Variants in PDGFD observed in about 807,000 individuals in gnomAD.
PDGFD encodes platelet-derived growth factor D.
Under a neutral mutation model 44.7 loss-of-function variants are expected in PDGFD, and 30 were observed. The ratio of observed to expected loss-of-function variants is 0.67; its 90% CI spans 0.50 to 0.91. The LOEUF (loss-of-function observed/expected upper bound fraction) is 0.91. Ranked by LOEUF, PDGFD falls within the 40% of genes least tolerant of loss-of-function variation. The pLI is 0.00. For missense variants in PDGFD, 445 were observed against 457.8 expected, an observed-to-expected ratio of 0.97 and a Z score of 0.25; for synonymous variants, 173 against 168.4, an observed-to-expected ratio of 1.03 and a Z score of -0.21.
chr11:104,087,021 C>CTTTTTTTTTT (rs528848924), intron 1 of PDGFD, among the ~76,000 whole-genome samples: 5 of 103,206 alleles, frequency 4.8e-5, no homozygotes, highest in Non-Finnish European at 9.3e-5. Context: ...GGCTCTTAGT[C>CTTTTTTTTTT]TTTTTTTTTT....
At chr11:104,107,719 G>C (rs529706798) in intron 1 of PDGFD, among the ~76,000 whole-genome samples, 1 of 152,130 alleles carries the variant, frequency 6.6e-6, no homozygotes, top group Non-Finnish European at 1.5e-5. Flanking sequence ...AAGACTTAGA[G>C]CTGTGTGACT....
At chr11:104,026,761 G>C (rs543781594) in intron 1 of PDGFD, among the ~76,000 whole-genome samples, 2 of 152,276 alleles carry the variant, frequency 1.3e-5, no homozygotes, top group Admixed American at 6.5e-5. Flanking sequence ...TCTGTAATTT[G>C]TTTTGGGGAT....
chr11:104,040,712 T>C (rs1283069284), intron 1 of PDGFD, among the ~76,000 whole-genome samples: 1 of 122,876 alleles, frequency 8.1e-6, no homozygotes, highest in Non-Finnish European at 1.9e-5. Context: ...AGTTCAGTGA[T>C]TTTAAATTTT....
At chr11:104,091,928 A>G (rs750680856) in intron 1 of PDGFD, among the ~76,000 whole-genome samples, 17 of 152,202 alleles carry the variant, frequency 1.1e-4, no homozygotes, top group Non-Finnish European at 2.1e-4. Flanking sequence ...AGAAGCTGAC[A>G]TTATATAAAC....
rs1460720600 is a variant in PDGFD at position 104,045,729 on chromosome 11, G to C, written c.125-45474C>G. 2.1e-5 allele frequency among the ~76,000 whole-genome samples: 3 copies of C among 143,888 alleles called. 1 individual carries two copies. Among genetic ancestry groups the C allele is most frequent in the Non-Finnish European group, 4.6e-5 (3 of 64,598 alleles). The allele number at this position is 143,888 out of a possible 152,430, so 94.4% of individuals were successfully genotyped here. ...AAACTTCAGAAGAAACACAAATAAT[G>C]ATGTTAGTTTCACATTTATTTCAAG... is the stretch of plus-strand genomic sequence containing the variant. On this transcript the variant is annotated intron_variant, in intron 1 of 6. Coordinates refer to ENST00000393158, the MANE Select transcript of PDGFD (RefSeq NM_025208.5).
At chr11:103,932,899 A>G (rs1858427537) in intron 5 of PDGFD, among the ~76,000 whole-genome samples, 1 of 152,168 alleles carries the variant, frequency 6.6e-6, no homozygotes, top group African/African-American at 2.4e-5. Flanking sequence ...CTAGTCTAGG[A>G]TGTGGTGTAG....
intron 1 of PDGFD, among the ~76,000 whole-genome samples, chr11:104,154,743 A>C (rs1233164554): frequency 1.3e-5 from 2 of 152,200 alleles, no homozygotes; most frequent in African/African-American, 2.4e-5. Context: ...GAATTGTGCA[A>C]AAAAGAGGTA....
intron 1 of PDGFD, among the ~76,000 whole-genome samples, chr11:104,094,314 T>C (rs556905493): frequency 6.6e-6 from 1 of 152,050 alleles, no homozygotes; most frequent in Non-Finnish European, 1.5e-5. Flanking sequence ...TGGAATTCCT[T>C]GGGGACCAAT....
At position 103,926,941 on chromosome 11, in the gene PDGFD, A is replaced by T. The variant is rs1858324136; in HGVS notation, c.958T>A (p.Ser320Thr). ...TVNWRSCTCN[S>T]GKTVKKYHEV... is the part of the protein sequence containing the mutation. ...TGATACTTTTTCACGGTTTTCCCTGAATTGCATGTGCAGGACCTCCAGTTG... is the reference window on the plus strand; with the variant it reads ...TGATACTTTTTCACGGTTTTCCCTGTATTGCATGTGCAGGACCTCCAGTTG... Residue 320 changes from serine (S) to threonine (T), a missense_variant, in exon 6 of 7, where the codon TCA becomes ACA. Coordinates refer to ENST00000393158, the MANE Select transcript of PDGFD (RefSeq NM_025208.5). 8 of 1,614,132 alleles carry T rather than the reference A, an allele frequency of 5.0e-6. No individual in the cohort carries two copies. Among genetic ancestry groups the T allele is most frequent in the Middle Eastern group, 1.6e-4 (1 of 6,062 alleles).
chr11:104,113,538 T>C (rs1030951078), intron 1 of PDGFD, among the ~76,000 whole-genome samples: 2 of 151,864 alleles, frequency 1.3e-5, no homozygotes, highest in African/African-American at 4.8e-5. Context: ...CTTGGTTGCT[T>C]CCAAGTTTTG....
At chr11:103,967,929 T>C (rs1170002637) in intron 3 of PDGFD, among the ~76,000 whole-genome samples, 1 of 152,222 alleles carries the variant, frequency 6.6e-6, no homozygotes, top group Non-Finnish European at 1.5e-5. Context: ...TGTTGCTTAC[T>C]GCAATTTTGA....
At chr11:104,036,737 C>A in intron 1 of PDGFD, 1 of 1,026,832 alleles carries the variant, frequency 9.7e-7, no homozygotes, top group Non-Finnish European at 1.5e-6. Flanking sequence ...TCCTGAGGAG[C>A]AGCGGCACCA....
intron 6 of PDGFD, among the ~76,000 whole-genome samples, chr11:103,919,857 A>T (rs1858185486): frequency 1.1e-5 from 1 of 92,698 alleles, no homozygotes; most frequent in Non-Finnish European, 2.0e-5. Context: ...CAGTTTCTCA[A>T]GGAAAAAAAA....
At chr11:104,042,310 C>T (rs1216544393) in intron 1 of PDGFD, among the ~76,000 whole-genome samples, 1 of 152,180 alleles carries the variant, frequency 6.6e-6, no homozygotes, top group African/African-American at 2.4e-5. Flanking sequence ...TGAATCCCAG[C>T]TTCTTTCCAC....
Position 104,147,063 on chromosome 11 carries a change from C to A in PDGFD, c.124+16741G>T, listed in dbSNP as rs942818179. Reference sequence around the variant, plus strand: ...CTTCTTTGTTGAAAAATGAAAAGTGCCCTCTGAATAAAATGTTTTCAATAA... The same window carrying A: ...CTTCTTTGTTGAAAAATGAAAAGTGACCTCTGAATAAAATGTTTTCAATAA... On this transcript the variant is annotated intron_variant, in intron 1 of 6. Transcript: ENST00000393158. 1.3e-5 allele frequency among the ~76,000 whole-genome samples: 2 copies of A among 150,694 alleles called. 1 individual carries two copies. Among genetic ancestry groups the A allele is most frequent in the South Asian group, 4.2e-4 (2 of 4,772 alleles).
chr11:103,920,317 A>G (rs1249778199), intron 6 of PDGFD, among the ~76,000 whole-genome samples: 1 of 152,236 alleles, frequency 6.6e-6, no homozygotes, highest in African/African-American at 2.4e-5. Context: ...TTGCAGTTTT[A>G]ACTTTACAGA....
chr11:104,139,623 A>C (rs1372336390), intron 1 of PDGFD, among the ~76,000 whole-genome samples: 59 of 152,118 alleles, frequency 3.9e-4, no homozygotes. Context: ...AACAACAAAG[A>C]CTTTACTCAC....
Position 103,943,649 on chromosome 11 carries a change from C to A in PDGFD, c.575G>T (p.Gly192Val), listed in dbSNP as rs556880568. The A allele has an allele frequency of 1.2e-6, 2 of 1,611,146 alleles. No individual in the cohort carries two copies. Among genetic ancestry groups the A allele is most frequent in the South Asian group, 2.2e-5 (2 of 90,738 alleles). Residue 192 changes from glycine (G) to valine (V), a missense_variant and splice_region_variant, in exon 5 of 7, where the codon GGG (glycine) becomes GTG (valine). Coordinates refer to ENST00000393158, the MANE Select transcript of PDGFD (RefSeq NM_025208.5). ...TACTGATGGAGAGTTATAGGATACC[C>A]CCTAAGAGTGACATACAGCTCAGTG... is the stretch of plus-strand genomic sequence containing the variant. ...NWESVTSSISGVSYNSPSVTD... is the reference protein window; with the variant it reads ...NWESVTSSISVVSYNSPSVTD...
chr11:103,911,856 G>A (rs1374141296), intron 6 of PDGFD, among the ~76,000 whole-genome samples: 5 of 151,698 alleles, frequency 3.3e-5, no homozygotes, highest in Admixed American at 6.6e-5. Context: ...TAGCCAAATC[G>A]ATCAAGCAGA....
Sources: allele counts gnomAD v4.1 joint callset (sites outside exome capture counted in the v4.1 genomes callset), GRCh38; gene constraint gnomAD v4.1.1; transcripts MANE v1.5; gene names NCBI Gene and HGNC (gene_info 2026-07-23, HGNC 2026-07-21).